The following INTS6 variants were observed in gnomAD, a reference collection of about 807,000 sequenced individuals.
INTS6 encodes DEAD box protein.
A neutral mutation model predicts 104.9 loss-of-function variants in INTS6; 16 were observed. That is an observed-to-expected ratio of 0.15 (90% CI 0.10 to 0.23). INTS6 has a LOEUF of 0.23. INTS6 is among the 10% of genes least tolerant of loss of function. The pLI is 1.00. For missense variants in INTS6, 584 were observed against 1,062.8 expected (o/e 0.55, Z 6.26); for synonymous variants, 324 against 358.7 (o/e 0.90, Z 1.09).
chr13:51,395,352 T>C lies in INTS6; in HGVS notation c.561A>G (p.Thr187=), dbSNP rs1364989593. 6.2e-7 allele frequency: 1 copy of C among 1,613,720 alleles called. No homozygotes were observed. Among genetic ancestry groups the C allele is most frequent in the African/African-American group, 1.3e-5 (1 of 74,924 alleles). The change falls in exon 5 of 18, where the codon ACA becomes ACG. Residue 187 remains threonine (T), a synonymous_variant. Coordinates refer to ENST00000311234, the MANE Select transcript of INTS6 (RefSeq NM_012141.3). ...GTMSVESEQL[T]GVPLDDSAIT... is the part of the protein sequence containing the mutation. ...TTGCAGAGTCATCTAAAGGCACACC[T>C]GTCAACTGTTCTGATTCTACTGACA...
intron 4 of INTS6, among the ~76,000 whole-genome samples, chr13:51,409,405 C>A (rs1434815910): frequency 6.6e-6 from 1 of 151,278 alleles, no homozygotes; most frequent in Non-Finnish European, 1.5e-5. Flanking sequence ...TACAAACTAC[C>A]AGCCAATATA....
chr13:51,451,173 G>A lies in INTS6; in HGVS notation c.191C>T (p.Ala64Val). The A allele has an allele frequency of 6.5e-7, 1 of 1,546,410 alleles. No homozygotes were observed. The highest frequency in any genetic ancestry group is 8.7e-7 in the Non-Finnish European group (1 of 1,154,116). ...CGTTGCATGGTTTTCTTTCCATCCAGCCTGAAAAGAAAAATGTAAGATTTT... is the reference window on the plus strand; with the variant it reads ...CGTTGCATGGTTTTCTTTCCATCCAACCTGAAAAGAAAAATGTAAGATTTT... ...TFEEPPYAIK[A>V]GWKENHATFM... Residue 64 changes from alanine to valine, a missense_variant and splice_region_variant, in exon 3 of 18, where the codon GCT (alanine) becomes GTT (valine). By Grantham distance (64) the Ala-to-Val change is moderately conservative. Around this residue, in one of 5 missense-constraint regions of INTS6, gnomAD observed 70 missense variants for 190.3 expected, o/e 0.37. Coordinates refer to ENST00000311234, the MANE Select transcript of INTS6 (RefSeq NM_012141.3).
At chr13:51,401,399 A>G (rs1410701889) in intron 4 of INTS6, among the ~76,000 whole-genome samples, 1 of 152,136 alleles carries the variant, frequency 6.6e-6, no homozygotes, top group African/African-American at 2.4e-5. Flanking sequence ...TATTTAACAG[A>G]AAGAAGAAAA....
downstream of INTS6, among the ~76,000 whole-genome samples, chr13:51,350,854 C>T (rs1024874331): frequency 3.9e-5 from 6 of 151,988 alleles, no homozygotes; most frequent in East Asian, 1.9e-4. Flanking sequence ...TTTGCCTATT[C>T]GAGAATTTCA....
intron 4 of INTS6, among the ~76,000 whole-genome samples, chr13:51,406,491 T>C (rs1403163136): frequency 6.6e-6 from 1 of 152,102 alleles, no homozygotes; most frequent in Non-Finnish European, 1.5e-5. Flanking sequence ...CCAACTGCAT[T>C]ATATGTCAGC....
At chr13:51,451,839 A>T in intron 2 of INTS6, 139 bp downstream of exon 2, 6 of 410,890 alleles carry the variant, frequency 1.5e-5, no homozygotes, top group Non-Finnish European at 2.5e-5. Flanking sequence ...GGGAGCCCGC[A>T]GGGAAGAGAC....
intron 3 of INTS6, chr13:51,439,779 G>A (rs1952759052): frequency 2.6e-5 from 4 of 152,332 alleles, no homozygotes; most frequent in Admixed American, 2.0e-4. Context: ...GGCTTCTCAT[G>A]ATGGATGTAC....
chr13:51,364,371 TAA>T lies in INTS6; in HGVS notation c.*1379_*1380del, dbSNP rs1351259355. Reference sequence around the variant, plus strand: ...CCTTGAAATTTAAAAAAATGTCTGATAAAGTGTAAAAAGCTAAGGGTATGTGA... The same window carrying T: ...CCTTGAAATTTAAAAAAATGTCTGATAGTGTAAAAAGCTAAGGGTATGTGA... On this transcript the variant is annotated 3_prime_UTR_variant, in exon 18 of 18. Coordinates refer to ENST00000311234, the MANE Select transcript of INTS6 (RefSeq NM_012141.3). 4.2e-6 allele frequency: 3 copies of T among 705,918 alleles called. No individual in the cohort carries two copies. Among genetic ancestry groups the T allele is most frequent in the South Asian group, 2.1e-5 (1 of 47,300 alleles). The allele number at this position is 705,918 out of a possible 1,614,324, so 43.7% of individuals were successfully genotyped here.
At chr13:51,384,901 GTTTAGTTTC>G in intron 7 of INTS6, 1 of 346,142 alleles carries the variant, frequency 2.9e-6, no homozygotes. Flanking sequence ...TTTTTGCTTT[GTTTAGTTTC>G]TAATCAGTCC....
the INTS6 span, chr13:51,341,285 A>G: frequency 6.2e-7 from 1 of 1,613,786 alleles, no homozygotes; most frequent in Non-Finnish European, 8.5e-7. Flanking sequence ...GAGATCCTGC[A>G]GTTTGGAGCA....
chr13:51,451,254 A>G (rs113530787), intron 2 of INTS6, 80 bp from the exon 3 acceptor site: 2 of 1,188,300 alleles, frequency 1.7e-6, no homozygotes, highest in South Asian at 4.1e-5. Flanking sequence ...GACGTTCACC[A>G]AGTAGCAGCT....
intron 4 of INTS6, among the ~76,000 whole-genome samples, chr13:51,427,710 A>G (rs1957008866): frequency 6.6e-6 from 1 of 152,204 alleles, no homozygotes; most frequent in African/African-American, 2.4e-5. Flanking sequence ...TCAGATAATA[A>G]GGTGCAACGG....
At chr13:51,411,882 G>C (rs1347955901) in intron 4 of INTS6, among the ~76,000 whole-genome samples, 1 of 152,176 alleles carries the variant, frequency 6.6e-6, no homozygotes, top group East Asian at 1.9e-4. Flanking sequence ...GTTCACAGTA[G>C]CTTATTCATA....
intron 3 of INTS6, chr13:51,445,813 A>G (rs1952904405): frequency 6.6e-6 from 1 of 152,240 alleles, no homozygotes; most frequent in Non-Finnish European, 1.5e-5. Context: ...AGGGATTTGC[A>G]GAGACCATTC....
intron 4 of INTS6, among the ~76,000 whole-genome samples, chr13:51,398,264 A>G (rs1956375334): frequency 3.3e-5 from 5 of 152,210 alleles, no homozygotes; most frequent in Admixed American, 1.3e-4. Flanking sequence ...CTTAAAAATC[A>G]AAGGGGGTGG....
intron 4 of INTS6, chr13:51,423,076 G>C (rs1444076282): frequency 7.8e-7 from 1 of 1,282,110 alleles, no homozygotes; most frequent in Admixed American, 2.3e-5. Context: ...AATTCCATCT[G>C]TGTGTCCCCA....
chr13:51,381,503 C>T (rs561905170), intron 10 of INTS6, among the ~76,000 whole-genome samples: 2 of 152,248 alleles, frequency 1.3e-5, no homozygotes, highest in African/African-American at 4.8e-5. Flanking sequence ...ACCTGGCCTA[C>T]GTAAGCAGTA....
intron 3 of INTS6, chr13:51,450,762 G>C: frequency 9.2e-7 from 1 of 1,082,540 alleles, no homozygotes; most frequent in Non-Finnish European, 1.1e-6. Flanking sequence ...GAACTTTCAA[G>C]GGATTAAAAC....
At chr13:51,386,893 T>G (rs911160679) in intron 7 of INTS6, among the ~76,000 whole-genome samples, 1 of 152,144 alleles carries the variant, frequency 6.6e-6, no homozygotes, top group East Asian at 1.9e-4. Flanking sequence ...GCAAACTTCA[T>G]TTTTCCTAAA....
Sources: gnomAD v4.1 joint callset for allele counts (sites outside exome capture counted in the v4.1 genomes callset) on GRCh38, gnomAD v4.1.1 for gene constraint, gnomAD v4.1.1 regional missense constraint, MANE v1.5 for transcripts, NCBI Gene and HGNC (gene_info 2026-07-23, HGNC 2026-07-21) for gene names.